Variants in MYRIP observed in about 807,000 individuals in gnomAD.
The protein encoded by MYRIP is rab effector MyRIP.
In MYRIP, 49 loss-of-function variants were observed where a neutral mutation model predicts 98.0. The ratio of observed to expected loss-of-function variants is 0.50; its 90% CI spans 0.40 to 0.63. The LOEUF (loss-of-function observed/expected upper bound fraction) is 0.63, where lower values mean the gene tolerates loss of function less well. MYRIP is among the 30% of genes least tolerant of loss of function. The pLI is 0.00. For synonymous variants in MYRIP, 404 were observed against 409.5 expected (o/e 0.99, Z 0.16); for missense variants, 1,004 against 1,058.2 (o/e 0.95, Z 0.71).
intron 3 of MYRIP, among the ~76,000 whole-genome samples, chr3:40,147,783 C>G (rs1950039355): frequency 1.3e-5 from 2 of 152,176 alleles, no homozygotes; most frequent in Admixed American, 1.3e-4. Flanking sequence ...CCTTCTTCAC[C>G]ATTTCTCTTC....
chr3:40,035,305 A>T (rs553812463), intron 2 of MYRIP, among the ~76,000 whole-genome samples: 45 of 152,220 alleles, frequency 3.0e-4, no homozygotes, highest in African/African-American at 1.1e-3. Flanking sequence ...AGGTATTGAA[A>T]ACTAAAATTG....
chr3:39,843,876 A>G (rs1214770669), intron 1 of MYRIP, among the ~76,000 whole-genome samples: 3 of 152,170 alleles, frequency 2.0e-5, no homozygotes, highest in Non-Finnish European at 4.4e-5. Flanking sequence ...GTGGAGATAG[A>G]TTAGGTCAGG....
chr3:39,837,872 C>G (rs773491532), intron 1 of MYRIP, among the ~76,000 whole-genome samples: 2 of 152,038 alleles, frequency 1.3e-5, no homozygotes, highest in African/African-American at 2.4e-5. Context: ...TCCATTTGTT[C>G]GTGTCCTCTC....
intron 3 of MYRIP, among the ~76,000 whole-genome samples, chr3:40,055,320 A>G (rs1947863165): frequency 6.6e-6 from 1 of 152,170 alleles, no homozygotes; most frequent in Admixed American, 6.6e-5. Context: ...GGTTTTTGGG[A>G]AAAAATAAAA....
intron 3 of MYRIP, among the ~76,000 whole-genome samples, chr3:40,081,105 GC>G (rs1948470423): frequency 1.3e-5 from 2 of 152,010 alleles, no homozygotes; most frequent in Non-Finnish European, 2.9e-5. Flanking sequence ...AGAGACTGTG[GC>G]CTGTATGATA....
chr3:39,819,162 A>G (rs949086108), intron 1 of MYRIP, among the ~76,000 whole-genome samples: 8 of 152,310 alleles, frequency 5.3e-5, no homozygotes, highest in Non-Finnish European at 1.0e-4. Flanking sequence ...CAGCCTGACC[A>G]ACATGGTGAA....
At chr3:39,968,825 A>G (rs1945507554) in intron 2 of MYRIP, among the ~76,000 whole-genome samples, 1 of 152,114 alleles carries the variant, frequency 6.6e-6, no homozygotes, top group African/African-American at 2.4e-5. Flanking sequence ...TTGGTTCCAT[A>G]TGAATTTTAA....
chr3:39,912,617 A>G (rs1944048921), intron 2 of MYRIP, among the ~76,000 whole-genome samples: 1 of 152,232 alleles, frequency 6.6e-6, no homozygotes, highest in Non-Finnish European at 1.5e-5. Flanking sequence ...ATAACACTTC[A>G]GTCCTTCCTA....
At chr3:39,937,507 C>T (rs1362855249) in intron 2 of MYRIP, among the ~76,000 whole-genome samples, 1 of 152,128 alleles carries the variant, frequency 6.6e-6, no homozygotes, top group Non-Finnish European at 1.5e-5. Context: ...GCCACCTGGT[C>T]CTTGTATATT....
At chr3:39,904,829 C>T (rs1943838219) in intron 2 of MYRIP, among the ~76,000 whole-genome samples, 3 of 152,188 alleles carry the variant, frequency 2.0e-5, no homozygotes, top group South Asian at 2.1e-4. Context: ...TAAGATGAGA[C>T]ACTTTCTCAG....
At chr3:40,054,112 T>C (rs1947840464) in intron 3 of MYRIP, among the ~76,000 whole-genome samples, 1 of 152,162 alleles carries the variant, frequency 6.6e-6, no homozygotes, top group Non-Finnish European at 1.5e-5. Context: ...GTTGGTGGTA[T>C]CCACTGAATG....
At chr3:40,160,832 A>T (rs1950374366) in intron 4 of MYRIP, among the ~76,000 whole-genome samples, 1 of 152,230 alleles carries the variant, frequency 6.6e-6, no homozygotes, top group East Asian at 1.9e-4. Flanking sequence ...GCGCTTCCTG[A>T]GTGAGGCAAT....
chr3:40,253,266 T>G (rs1426051361), intron 16 of MYRIP, among the ~76,000 whole-genome samples: 1 of 152,040 alleles, frequency 6.6e-6, no homozygotes, highest in Non-Finnish European at 1.5e-5. Flanking sequence ...AGTATTAGAG[T>G]CACTGCCTGC....
At chr3:39,962,639 ACTT>A (rs1945350076) in intron 2 of MYRIP, among the ~76,000 whole-genome samples, 1 of 152,088 alleles carries the variant, frequency 6.6e-6, no homozygotes, top group Non-Finnish European at 1.5e-5. Context: ...TAGTGCAGTT[ACTT>A]CTTCACAAAG....
chr3:40,151,281 A>G, intron 4 of MYRIP, 97 bp downstream of exon 4: 1 of 1,327,980 alleles, frequency 7.5e-7, no homozygotes, highest in Non-Finnish European at 1.0e-6. Flanking sequence ...CTCACCTGGG[A>G]CAGATAAATT....
chr3:40,192,353 T>TATG (rs1491229160), intron 10 of MYRIP, among the ~76,000 whole-genome samples: 2 of 138,384 alleles, frequency 1.4e-5, no homozygotes, highest in African/African-American at 5.2e-5. Flanking sequence ...CATATATATA[T>TATG]TTATATTTAT....
chr3:39,971,487 G>A (rs141836369), intron 2 of MYRIP, among the ~76,000 whole-genome samples: 2 of 152,078 alleles, frequency 1.3e-5, no homozygotes, highest in East Asian at 3.9e-4. Context: ...GTACAATTTA[G>A]ATCATAAATC....
intron 1 of MYRIP, among the ~76,000 whole-genome samples, chr3:39,821,453 G>A (rs989860802): frequency 6.6e-6 from 1 of 151,606 alleles, no homozygotes; most frequent in African/African-American, 2.4e-5. Context: ...TCCTATCATT[G>A]TTTCTATTTA....
chr3:40,242,210 TAA>T (rs1350236741), intron 12 of MYRIP: 2 of 152,224 alleles, frequency 1.3e-5, no homozygotes, highest in African/African-American at 4.8e-5. Context: ...TGAGCATATA[TAA>T]GTCACATAAA....
Sources: gnomAD v4.1 joint callset for allele counts (sites outside exome capture counted in the v4.1 genomes callset) on GRCh38, gnomAD v4.1.1 for gene constraint, MANE v1.5 for transcripts, NCBI Gene and HGNC (gene_info 2026-07-23, HGNC 2026-07-21) for gene names.